Variants in KNSTRN observed in about 807,000 individuals in gnomAD.
KNSTRN encodes small kinetochore-associated protein.
Under a neutral mutation model 44.7 loss-of-function variants are expected in KNSTRN, and 38 were observed. The ratio of observed to expected loss-of-function variants is 0.85; its 90% confidence interval spans 0.66 to 1.11. The LOEUF is 1.11. KNSTRN is among the 50% of genes most tolerant of loss of function. KNSTRN has a pLI of 0.00. For missense variants in KNSTRN, 406 were observed against 375.8 expected, an observed-to-expected ratio of 1.08 and a Z score of -0.66; for synonymous variants, 158 against 148.1, an observed-to-expected ratio of 1.07 and a Z score of -0.48.
chr15:40,390,029 G>A, intron 6 of KNSTRN, 100 bp downstream of exon 6: 1 of 883,972 alleles, frequency 1.1e-6, no homozygotes, highest in Non-Finnish European at 1.9e-6. Flanking sequence ...CCCAGTATGT[G>A]CAGGGGTTAC....
Position 40,394,230 on chromosome 15 carries a change from A to T in KNSTRN, c.*633A>T, listed in dbSNP as rs1278451167. On this transcript the variant is annotated 3_prime_UTR_variant, in exon 9 of 9. Transcript: ENST00000249776. ...CTTTTTTAAGTCTACTTTTAAAATA[A>T]ATACTTCTGTAAATATTCTGACTGT... 1 of 152,262 alleles carries T rather than the reference A, an allele frequency of 6.6e-6. No homozygotes were observed. The highest frequency in any genetic ancestry group is 2.4e-5 in the African/African-American group (1 of 41,460). 9.4% of individuals were successfully genotyped at this position (152,262 alleles called of 1,614,324 possible).
rs1267864896 is a variant in KNSTRN at position 40,384,462 on chromosome 15, C to G, written c.304+1140C>G. ...GTTGTCTTGTGTTGCCGCAGAACAC[C>G]TGAATGGTAATCCTGGCACCAGCGG... On this transcript the variant is annotated intron_variant, in intron 2 of 8. Coordinates refer to ENST00000249776, the MANE Select transcript of KNSTRN (RefSeq NM_033286.4). The G allele has an allele frequency of 5.3e-5, 24 of 455,866 alleles. No homozygotes were observed. The Admixed American group carries it at 5.4e-4, about 10-fold the overall frequency. 28.2% of individuals were successfully genotyped at this position (455,866 alleles called of 1,614,324 possible). A position where few individuals can be genotyped will look rare whatever the true frequency, so the allele number is the denominator to read the frequency against.
Position 40,393,812 on chromosome 15 carries a change from C to T in KNSTRN, c.*215C>T. On this transcript the variant is annotated 3_prime_UTR_variant, in exon 9 of 9. Transcript: ENST00000249776. ...GGTTGGTCAGCCCTCCTGAGCCTCA[C>T]AGGTGGATAATTGAGGCCTACAAGA... is the stretch of plus-strand genomic sequence containing the variant. 1 of 389,182 alleles carries T rather than the reference C, an allele frequency of 2.6e-6. No individual in the cohort carries two copies. Among genetic ancestry groups the T allele is most frequent in the Non-Finnish European group, 4.7e-6 (1 of 214,068 alleles). The allele number at this position is 389,182 out of a possible 1,614,324, so 24.1% of individuals were successfully genotyped here. A position where few individuals can be genotyped will look rare whatever the true frequency, so the allele number is the denominator to read the frequency against.
At position 40,389,896 on chromosome 15, in the gene KNSTRN, T is replaced by G. The variant is rs1218108780; in HGVS notation, c.652T>G (p.Leu218Val). 4 of 1,614,166 alleles carry G rather than the reference T, an allele frequency of 2.5e-6. No individual in the cohort carries two copies. Among genetic ancestry groups the G allele is most frequent in the Non-Finnish European group, 3.4e-6 (4 of 1,180,012 alleles). Residue 218 changes from leucine (L) to valine (V), a missense_variant, in exon 6 of 9, where the codon TTG (leucine) becomes GTG (valine). By Grantham distance (32) the Leu-to-Val change is conservative (BLOSUM62 1). Coordinates refer to ENST00000249776, the MANE Select transcript of KNSTRN (RefSeq NM_033286.4). ...ELLEKFRDNC[L>V]AILESKGLDP... ...GCTGGAGAAGTTTCGGGACAACTGT[T>G]TGGCAATTTTGGAGAGCAAGGGCCT... is the stretch of plus-strand genomic sequence containing the variant.
rs1481857567 is a variant in KNSTRN, at chr15:40,386,441, A to T, written c.384A>T (p.Ser128=). 6.2e-7 allele frequency: 1 copy of T among 1,614,104 alleles called. No individual in the cohort carries two copies. The highest frequency in any genetic ancestry group is 1.1e-5 in the South Asian group (1 of 91,076). Residue 128 remains serine, a synonymous_variant, in exon 3 of 9, where the codon TCA becomes TCT. Transcript: ENST00000249776. ...TCGATGTTTCCAAACAGCTTCATTC[A>T]GGAGGTCCAGAGAATGATGTTACAA... ...KEVDVSKQLH[S]GGPENDVTKI... is the part of the protein sequence containing the mutation.
intron 7 of KNSTRN, 112 bp from the exon 8 acceptor site, chr15:40,391,837 T>C: frequency 9.6e-6 from 8 of 829,862 alleles, no homozygotes; most frequent in Non-Finnish European, 1.5e-5. Flanking sequence ...CTTTATCAAA[T>C]TTCTCTCCTG....
chr15:40,391,613 T>C, intron 7 of KNSTRN, 59 bp downstream of exon 7: 1 of 1,360,506 alleles, frequency 7.4e-7, no homozygotes, highest in South Asian at 1.2e-5. Context: ...TCTGTAAATC[T>C]AAGAAGGTCT....
Position 40,382,970 on chromosome 15 carries a change from T to C in KNSTRN, c.135T>C (p.Gly45=). Residue 45 remains glycine (G), a synonymous_variant, in exon 1 of 9, where the codon GGT becomes GGC. Coordinates refer to ENST00000249776, the MANE Select transcript of KNSTRN (RefSeq NM_033286.4). ...LFETQAADLA[G]GTTVAAGNLL... ...AAACCCAGGCGGCCGACTTAGCCGG[T>C]GGCACGACAGTTGCTGCAGGGAATC... 1 of 1,612,218 alleles carries C rather than the reference T, an allele frequency of 6.2e-7. No individual in the cohort carries two copies. The highest frequency in any genetic ancestry group is 8.5e-7 in the Non-Finnish European group (1 of 1,180,030).
chr15:40,389,653 C>T (rs78604110), intron 5 of KNSTRN, 42 bp downstream of exon 5: 64 of 1,452,272 alleles, frequency 4.4e-5, no homozygotes, highest in East Asian at 6.8e-5. Context: ...TGCCACTGGG[C>T]GATCCACATG....
chr15:40,390,911 A>G (rs1012389339), intron 6 of KNSTRN, among the ~76,000 whole-genome samples: 9 of 152,072 alleles, frequency 5.9e-5, no homozygotes, highest in African/African-American at 2.2e-4. Context: ...TACCATGCCC[A>G]GCCTAGGATA....
rs777966090 is a variant in KNSTRN, at chr15:40,386,371, C to A, written c.314C>A (p.Thr105Asn). ...LSGGQPADTQ[T>N]RATSKSLLPV... Reference sequence around the variant, plus strand: ...TCATTTTCCTTTGCAGACACACAAACTCGGGCCACTTCTAAGAGTCTCTTA... The same window carrying A: ...TCATTTTCCTTTGCAGACACACAAAATCGGGCCACTTCTAAGAGTCTCTTA... Residue 105 changes from threonine (T) to asparagine (N), a missense_variant, in exon 3 of 9, where the codon ACT (threonine) becomes AAT (asparagine). Transcript: ENST00000249776. 1.9e-6 allele frequency: 3 copies of A among 1,613,626 alleles called. No homozygotes were observed. The highest frequency in any genetic ancestry group is 1.1e-5 in the South Asian group (1 of 90,942).
rs1255937036 is a variant in KNSTRN at position 40,393,500 on chromosome 15, A to AT, written c.854_855insT (p.Glu285AspfsTer13). The AT allele has an allele frequency of 6.2e-7, 1 of 1,613,908 alleles. No individual in the cohort carries two copies. The highest frequency in any genetic ancestry group is 8.5e-7 in the Non-Finnish European group (1 of 1,179,988). On this transcript the variant is annotated frameshift_variant, in exon 9 of 9. Transcript: ENST00000249776. LOFTEE classifies it high-confidence loss of function. ...AAGGTAAAGCTGGAGATGAAAGAGG[A>AT]AAGAGTCCGATTCCTAGAACAGCAA...
At chr15:40,391,830 T>C (rs1015298925) in intron 7 of KNSTRN, 119 bp from the exon 8 acceptor site, 1 of 797,936 alleles carries the variant, frequency 1.3e-6, no homozygotes, top group South Asian at 1.8e-5. Context: ...TTCTATACTT[T>C]ATCAAATTTC....
chr15:40,391,811 G>A (rs1004703997), intron 7 of KNSTRN, 138 bp from the exon 8 acceptor site: 32 of 728,050 alleles, frequency 4.4e-5, no homozygotes, highest in South Asian at 3.1e-4. Context: ...GAGCTTTCTC[G>A]TTCTTCTGTT....
At chr15:40,386,824 C>T in intron 3 of KNSTRN, 2 of 509,170 alleles carry the variant, frequency 3.9e-6, no homozygotes, top group Non-Finnish European at 7.1e-6. Flanking sequence ...GCTGCTCTGA[C>T]CACACAGTCC....
intron 8 of KNSTRN, 53 bp from the exon 9 acceptor site, chr15:40,393,416 A>T (rs1292990647): frequency 1.1e-5 from 18 of 1,599,706 alleles, no homozygotes; most frequent in Non-Finnish European, 1.5e-5. Flanking sequence ...GTTTCCTGTT[A>T]GTCAAGAGTT....
In KNSTRN at chr15:40,393,522, G is replaced by C; in HGVS notation, c.876G>C (p.Gln292His). 1 of 1,614,038 alleles carries C rather than the reference G, an allele frequency of 6.2e-7. No homozygotes were observed. The highest frequency in any genetic ancestry group is 8.5e-7 in the Non-Finnish European group (1 of 1,179,972). Residue 292 changes from glutamine (Q) to histidine (H), a missense_variant, in exon 9 of 9, where the codon CAG becomes CAC. Transcript: ENST00000249776. ...MKEERVRFLE[Q>H]QTLCNNQVND... is the part of the protein sequence containing the mutation. The stretch of plus-strand genomic sequence containing the variant: ...AGGAAAGAGTCCGATTCCTAGAACA[G>C]CAAACCTTATGTAACAATCAAGTAA...
intron 4 of KNSTRN, 111 bp from the exon 5 acceptor site, chr15:40,389,395 C>A: frequency 1.4e-6 from 1 of 722,186 alleles, no homozygotes; most frequent in Non-Finnish European, 2.4e-6. Context: ...AGGTGATCTG[C>A]CTGCCTCAGC....
chr15:40,391,240 A>G (rs893239905), intron 6 of KNSTRN, among the ~76,000 whole-genome samples: 1 of 152,264 alleles, frequency 6.6e-6, no homozygotes, highest in Admixed American at 6.5e-5. Context: ...CAAATTGTCC[A>G]CTGACCTAAG....
Sources: gnomAD v4.1 joint callset for allele counts (sites outside exome capture counted in the v4.1 genomes callset) on GRCh38, gnomAD v4.1.1 for gene constraint, MANE v1.5 for transcripts, NCBI Gene and HGNC (gene_info 2026-07-23, HGNC 2026-07-21) for gene names.